Variants in PIEZO2 observed in about 807,000 individuals in gnomAD.
PIEZO2 encodes piezo type mechanosensitive ion channel component 2.
In PIEZO2, 172 loss-of-function variants were observed where a neutral mutation model predicts 337.3. That is an observed-to-expected ratio of 0.51 (90% confidence interval 0.45 to 0.58). PIEZO2 has a LOEUF of 0.58. Ranked by LOEUF, PIEZO2 falls within the 20% of genes least tolerant of loss-of-function variation. PIEZO2 has a pLI of 0.00. For missense variants in PIEZO2, 3,028 were observed against 3,391.3 expected, an observed-to-expected ratio of 0.89 and a Z score of 2.66; for synonymous variants, 1,251 against 1,228.5, an observed-to-expected ratio of 1.02 and a Z score of -0.38.
chr18:11,086,858 C>A (rs1218744862), intron 1 of PIEZO2, among the ~76,000 whole-genome samples: 1 of 151,856 alleles, frequency 6.6e-6, no homozygotes, highest in Non-Finnish European at 1.5e-5. Flanking sequence ...TTTTTTTCCG[C>A]AGAAAACAAA....
At position 10,882,908 on chromosome 18, in the gene PIEZO2, A is replaced by C. The variant is rs574937319; in HGVS notation, c.330-11493T>G. Among the ~76,000 whole-genome samples the C allele has an allele frequency of 2.5e-4, 33 of 131,696 alleles. No individual in the cohort carries two copies. The South Asian group carries it at 7.8e-3, about 31-fold the overall frequency. 86.4% of individuals were successfully genotyped at this position (131,696 alleles called of 152,430 possible). A position where few individuals can be genotyped will look rare whatever the true frequency, so the allele number is the denominator to read the frequency against. ...GGCTGGAGTGCAGTGGTGCGATCTC[A>C]GCTCACTGCAACCACCACCTCCTGG... On this transcript the variant is annotated intron_variant, in intron 4 of 55. Coordinates refer to ENST00000674853, the MANE Select transcript of PIEZO2 (RefSeq NM_001378183.1).
rs746228502 is a variant in PIEZO2 at position 10,704,672 on chromosome 18, G to T, written c.6000-20C>A. On this transcript the variant is annotated intron_variant, in intron 41 of 55. Transcript: ENST00000674853. ...AACATCCTGTTAAAGCAAACCACAT[G>T]ATAATATGTCTATTTTTTTTCTTCT... 44 of 1,528,522 alleles carry T rather than the reference G, an allele frequency of 2.9e-5. No individual in the cohort carries two copies. The highest frequency in any genetic ancestry group is 7.9e-5 in the Admixed American group (4 of 50,602). 94.7% of individuals were successfully genotyped at this position (1,528,522 alleles called of 1,614,324 possible). A position where few individuals can be genotyped will look rare whatever the true frequency, so the allele number is the denominator to read the frequency against.
intron 2 of PIEZO2, among the ~76,000 whole-genome samples, chr18:10,991,234 AT>A (rs201097706): frequency 0.055 from 8,169 of 149,674 alleles, 483 homozygotes; most frequent in African/African-American, 0.15. Context: ...ACACACACAC[AT>A]TTTTTTTTCT....
In PIEZO2 at chr18:10,715,655, T is replaced by A; in HGVS notation, c.5251A>T (p.Lys1751Ter). 1 of 1,523,114 alleles carries A rather than the reference T, an allele frequency of 6.6e-7. No individual in the cohort carries two copies. Among genetic ancestry groups the A allele is most frequent in the Non-Finnish European group, 8.8e-7 (1 of 1,141,916 alleles). The allele number at this position is 1,523,114 out of a possible 1,614,324, so 94.3% of individuals were successfully genotyped here. A position where few individuals can be genotyped will look rare whatever the true frequency, so the allele number is the denominator to read the frequency against. ...AATTACACCAGCAGTGTTACCTTCT[T>A]AATTTCTCTGGTCAGCATGCATCGT... ...IERCMLTREIKKGNVPTRESI... is the reference protein window; with the variant it reads ...IERCMLTREI The change falls in exon 38 of 56, where the codon AAG becomes TAG. Residue 1751 changes from lysine to a stop codon, truncating the protein, a stop_gained. Transcript: ENST00000674853. LOFTEE classifies it high-confidence loss of function.
chr18:10,800,720 C>T (rs955410209), intron 10 of PIEZO2, among the ~76,000 whole-genome samples: 1 of 152,234 alleles, frequency 6.6e-6, no homozygotes, highest in African/African-American at 2.4e-5. Context: ...TGCCTGAAAC[C>T]ATGCTTCGCA....
At chr18:10,916,543 T>C (rs1418503818) in intron 3 of PIEZO2, among the ~76,000 whole-genome samples, 1 of 152,146 alleles carries the variant, frequency 6.6e-6, no homozygotes, top group African/African-American at 2.4e-5. Flanking sequence ...AGCCCCTCAC[T>C]GCCAGGGCGT....
intron 23 of PIEZO2, among the ~76,000 whole-genome samples, chr18:10,761,411 C>T (rs1348721907): frequency 1.3e-5 from 2 of 152,096 alleles, no homozygotes; most frequent in South Asian, 2.1e-4. Context: ...TCCAGTTATC[C>T]AAGGAGGGCA....
chr18:10,913,784 C>A (rs935601216), intron 3 of PIEZO2, among the ~76,000 whole-genome samples: 2 of 152,044 alleles, frequency 1.3e-5, no homozygotes, highest in African/African-American at 4.8e-5. Context: ...CAACCAGGCA[C>A]AACAGCAGTG....
chr18:10,871,183 A>T, intron 5 of PIEZO2, 70 bp downstream of exon 5: 1 of 1,406,214 alleles, frequency 7.1e-7, no homozygotes, highest in South Asian at 1.4e-5. Context: ...TTATTATCAT[A>T]GTTCTGCAAC....
rs1355141883 is a variant in PIEZO2, at chr18:10,716,800, C to T, written c.5090-984G>A. On this transcript the variant is annotated intron_variant, in intron 37 of 55. Transcript: ENST00000674853. The surrounding 1 kb of genome is among the most constrained non-coding windows in gnomAD (Gnocchi z 4.1). ...GCTTGGAGTTACACCCATCAATGAA[C>T]TTTAGGAGCTCCTTATATTTTCGAC... 2.0e-5 allele frequency among the ~76,000 whole-genome samples: 3 copies of T among 151,656 alleles called. No individual in the cohort carries two copies. Among genetic ancestry groups the T allele is most frequent in the Admixed American group, 1.3e-4 (2 of 15,264 alleles).
intron 1 of PIEZO2, among the ~76,000 whole-genome samples, chr18:11,081,505 G>C (rs1598929636): frequency 6.6e-6 from 1 of 152,178 alleles, no homozygotes; most frequent in Non-Finnish European, 1.5e-5. Flanking sequence ...ATTAATAAAA[G>C]CTAGTTCCAT....
chr18:10,966,047 G>A (rs1410868365), intron 3 of PIEZO2, among the ~76,000 whole-genome samples: 1 of 152,162 alleles, frequency 6.6e-6, no homozygotes, highest in Non-Finnish European at 1.5e-5. Flanking sequence ...CAATCATAAT[G>A]TACATAAAAT....
In PIEZO2 at chr18:10,787,142, T is replaced by C. The variant is rs770245814; in HGVS notation, c.2212A>G (p.Met738Val). The change falls in exon 16 of 56, where the codon ATG becomes GTG. Residue 738 changes from methionine (M) to valine (V), a missense_variant. By Grantham distance (21) the Met-to-Val change is conservative. Around this residue, in one of 5 missense-constraint regions of PIEZO2, gnomAD observed 1,925 missense variants for 2,051.9 expected, o/e 0.94. Coordinates refer to ENST00000674853, the MANE Select transcript of PIEZO2 (RefSeq NM_001378183.1). ...WWRKILKYFWMSVVIYTMLVL... is the reference protein window; with the variant it reads ...WWRKILKYFWVSVVIYTMLVL... ...AGCATAGTGTAAATAACCACTGACA[T>C]CCAAAAATATTTTAGAATTTTCCTC... 7.2e-6 allele frequency: 11 copies of C among 1,533,250 alleles called. No individual in the cohort carries two copies. Among genetic ancestry groups the C allele is most frequent in the Non-Finnish European group, 9.6e-6 (11 of 1,145,712 alleles). 95.0% of individuals were successfully genotyped at this position (1,533,250 alleles called of 1,614,324 possible).
intron 4 of PIEZO2, among the ~76,000 whole-genome samples, chr18:10,886,487 C>T (rs867615449): frequency 6.5e-5 from 3 of 45,890 alleles, no homozygotes; most frequent in Non-Finnish European, 1.0e-4. Context: ...ATATCCAAAC[C>T]ATATATATAT....
intron 2 of PIEZO2, among the ~76,000 whole-genome samples, chr18:11,043,393 C>T (rs1436145512): frequency 1.3e-5 from 2 of 152,076 alleles, no homozygotes; most frequent in African/African-American, 4.8e-5. Flanking sequence ...ATAAATGTCC[C>T]ACGTATTAGT....
At chr18:10,686,998 A>G (rs1317316622) in intron 49 of PIEZO2, among the ~76,000 whole-genome samples, 1 of 151,866 alleles carries the variant, frequency 6.6e-6, no homozygotes, top group East Asian at 1.9e-4. Flanking sequence ...GTCAACTTAC[A>G]CTCTTCCATT....
intron 49 of PIEZO2, among the ~76,000 whole-genome samples, chr18:10,684,191 A>C (rs1192305568): frequency 1.2e-5 from 1 of 85,680 alleles, no homozygotes; most frequent in African/African-American, 4.7e-5. Context: ...TTTGAGACGG[A>C]GTCTTGCTCT....
intron 49 of PIEZO2, among the ~76,000 whole-genome samples, chr18:10,688,137 C>T (rs1270279196): frequency 6.6e-6 from 1 of 152,056 alleles, no homozygotes; most frequent in African/African-American, 2.4e-5. Context: ...GGTATTTGTC[C>T]TAATACTATC....
chr18:10,772,602 G>A (rs554243004), intron 20 of PIEZO2, among the ~76,000 whole-genome samples: 2 of 152,184 alleles, frequency 1.3e-5, no homozygotes, highest in South Asian at 4.1e-4. Flanking sequence ...TACTTTTTTT[G>A]TTTTCTACTT....
Sources: allele counts gnomAD v4.1 joint callset (sites outside exome capture counted in the v4.1 genomes callset), GRCh38; gene constraint gnomAD v4.1.1; regional missense constraint gnomAD v4.1.1; non-coding constraint Gnocchi (gnomAD v3.1); transcripts MANE v1.5; gene names NCBI Gene and HGNC (gene_info 2026-07-23, HGNC 2026-07-21).